Variants in MSH3 observed in about 807,000 individuals in gnomAD.
MSH3 encodes the protein mutS homolog 3, also known as DNA mismatch repair protein Msh3.
Under a neutral mutation model 123.3 loss-of-function variants are expected in MSH3, and 106 were observed. That is an observed-to-expected ratio of 0.86 (90% CI 0.73 to 1.01). MSH3 has a LOEUF of 1.01. Ranked by LOEUF, MSH3 falls within the 50% of genes least tolerant of loss-of-function variation. The pLI is 0.00. For synonymous variants in MSH3, 515 were observed against 481.4 expected (o/e 1.07, Z -0.91); for missense variants, 1,459 against 1,347.6 (o/e 1.08, Z -1.29).
intron 6 of MSH3, among the ~76,000 whole-genome samples, chr5:80,673,539 A>G (rs2112814902): frequency 6.6e-6 from 1 of 152,322 alleles, no homozygotes; most frequent in Non-Finnish European, 1.5e-5. Flanking sequence ...CAAACAAACA[A>G]ACAAACAAAC....
intron 12 of MSH3, chr5:80,746,842 C>T (rs746039920): frequency 6.0e-5 from 16 of 264,838 alleles, no homozygotes; most frequent in Non-Finnish European, 1.1e-4. Flanking sequence ...AAGGAGACCA[C>T]TGGCCAGAGG....
chr5:80,728,448 T>A (rs1743342890), intron 9 of MSH3, among the ~76,000 whole-genome samples: 1 of 152,224 alleles, frequency 6.6e-6, no homozygotes, highest in Non-Finnish European at 1.5e-5. Flanking sequence ...TACTACGCTG[T>A]TAATGTTTAT....
intron 12 of MSH3, among the ~76,000 whole-genome samples, chr5:80,747,160 G>A (rs1052739381): frequency 3.3e-5 from 5 of 152,210 alleles, no homozygotes; most frequent in African/African-American, 1.2e-4. Flanking sequence ...TGCTGGAAAG[G>A]CTGCCTAAAC....
chr5:80,716,178 CTCTAT>C (rs1427206100), intron 8 of MSH3, among the ~76,000 whole-genome samples: 1 of 152,156 alleles, frequency 6.6e-6, no homozygotes, highest in Non-Finnish European at 1.5e-5. Context: ...ATTATATAGA[CTCTAT>C]TTCAGAATTG....
rs148267788 is a variant in MSH3, at chr5:80,728,444, G to A, written c.1454-407G>A. 5.3e-5 allele frequency among the ~76,000 whole-genome samples: 8 copies of A among 152,148 alleles called. No individual in the cohort carries two copies. The East Asian group carries it at 1.4e-3, about 26-fold the overall frequency. On this transcript the variant is annotated intron_variant, in intron 9 of 23. Transcript: ENST00000265081. ...TTACCCAACTTTATTTAAGTACTAC[G>A]CTGTTAATGTTTATTTAGGTGGTCT...
intron 20 of MSH3, among the ~76,000 whole-genome samples, chr5:80,833,353 TA>T (rs1469043336): frequency 6.6e-6 from 1 of 152,246 alleles, no homozygotes; most frequent in Non-Finnish European, 1.5e-5. Context: ...TGGAATTCCC[TA>T]AATCTCTAAC....
chr5:80,842,962 A>T (rs781356595), intron 20 of MSH3, among the ~76,000 whole-genome samples: 1 of 152,156 alleles, frequency 6.6e-6, no homozygotes, highest in Non-Finnish European at 1.5e-5. Flanking sequence ...GGGGTGAGAG[A>T]GAGCATCCTT....
At position 80,775,703 on chromosome 5, in the gene MSH3, G is replaced by C. The variant is rs1237452188; in HGVS notation, c.2263G>C (p.Glu755Gln). ...VTVSGQEFMI[E>Q]IKNSAVSCIP... is the part of the protein sequence containing the mutation. ...TTTGTATTTGTTTTAGTTTATGATA[G>C]AAATAAAGAACTCTGCTGTATCTTG... The change falls in exon 16 of 24, where the codon GAA becomes CAA. Residue 755 changes from glutamate (E) to glutamine (Q), a missense_variant. Physicochemically the swap from Glu to Gln is conservative, Grantham distance 29. Coordinates refer to ENST00000265081, the MANE Select transcript of MSH3 (RefSeq NM_002439.5). 3 of 1,546,266 alleles carry C rather than the reference G, an allele frequency of 1.9e-6. No homozygotes were observed. Among genetic ancestry groups the C allele is most frequent in the Non-Finnish European group, 2.7e-6 (3 of 1,118,872 alleles).
At chr5:80,671,116 C>G (rs906484300) in intron 4 of MSH3, among the ~76,000 whole-genome samples, 5 of 90,564 alleles carry the variant, frequency 5.5e-5, no homozygotes, top group African/African-American at 2.9e-4. Flanking sequence ...CAGCAAGACT[C>G]TGTCTCAAAA....
intron 2 of MSH3, among the ~76,000 whole-genome samples, chr5:80,657,781 C>T (rs921286209): frequency 6.6e-6 from 1 of 151,970 alleles, no homozygotes; most frequent in Non-Finnish European, 1.5e-5. Context: ...GAAATAACTA[C>T]AGGAATGGAG....
intron 17 of MSH3, among the ~76,000 whole-genome samples, chr5:80,784,748 C>G (rs191534621): frequency 1.3e-5 from 2 of 151,994 alleles, no homozygotes; most frequent in Non-Finnish European, 2.9e-5. Context: ...GGGGCCTGTC[C>G]GTTTTGTGTT....
At chr5:80,811,403 C>T (rs1472874517) in intron 19 of MSH3, among the ~76,000 whole-genome samples, 3 of 152,030 alleles carry the variant, frequency 2.0e-5, no homozygotes, top group African/African-American at 7.2e-5. Context: ...GATTATTAAA[C>T]CAACTTTGTA....
intron 8 of MSH3, among the ~76,000 whole-genome samples, chr5:80,706,865 A>G (rs1047221013): frequency 4.6e-5 from 7 of 152,204 alleles, no homozygotes; most frequent in East Asian, 1.9e-4. Context: ...TTTTTAATCA[A>G]TTTTAATCAG....
At chr5:80,678,872 C>A (rs1316496255) in intron 7 of MSH3, 55 bp from the exon 8 acceptor site, 3 of 1,584,398 alleles carry the variant, frequency 1.9e-6, no homozygotes, top group Admixed American at 3.3e-5. Context: ...TGTGTTATAG[C>A]CATAACTGGG....
At position 80,707,155 on chromosome 5, in the gene MSH3, C is replaced by T. The variant is rs886826633; in HGVS notation, c.1341-18298C>T. ...AGTGCATACTTTTTTGTGTCCAGCTCGTTTTACTCAGCATAATGCCTATGC... is the reference window on the plus strand; with the variant it reads ...AGTGCATACTTTTTTGTGTCCAGCTTGTTTTACTCAGCATAATGCCTATGC... On this transcript the variant is annotated intron_variant, in intron 8 of 23. Coordinates refer to ENST00000265081, the MANE Select transcript of MSH3 (RefSeq NM_002439.5). Among the ~76,000 whole-genome samples, 6 of 152,196 alleles carry T rather than the reference C, an allele frequency of 3.9e-5. No homozygotes were observed. In the South Asian group the frequency reaches 6.2e-4, roughly 16 times the overall value.
rs1338767170 is a variant in MSH3 at position 80,792,607 on chromosome 5, A to G, written c.2544-126A>G. ...TTTATTCTGGACATATGTTCTTAAAATCTATGTTTAAAGTTTTGTTTTCTG... is the reference window on the plus strand; with the variant it reads ...TTTATTCTGGACATATGTTCTTAAAGTCTATGTTTAAAGTTTTGTTTTCTG... On this transcript the variant is annotated intron_variant, in intron 18 of 23. Coordinates refer to ENST00000265081, the MANE Select transcript of MSH3 (RefSeq NM_002439.5). The G allele has an allele frequency of 4.5e-6, 3 of 664,152 alleles. No homozygotes were observed. In the East Asian group the frequency reaches 8.3e-5, roughly 18 times the overall value. 41.1% of individuals were successfully genotyped at this position (664,152 alleles called of 1,614,324 possible).
At chr5:80,831,192 G>C (rs191538749) in intron 20 of MSH3, among the ~76,000 whole-genome samples, 1 of 152,134 alleles carries the variant, frequency 6.6e-6, no homozygotes, top group Admixed American at 6.6e-5. Context: ...CTAGAAGAAG[G>C]CTAGTTATTT....
At chr5:80,820,444 A>G (rs939958821) in intron 20 of MSH3, among the ~76,000 whole-genome samples, 6 of 152,184 alleles carry the variant, frequency 3.9e-5, no homozygotes, top group African/African-American at 1.4e-4. Flanking sequence ...GTTTGATTAT[A>G]TTATTCTTGG....
chr5:80,862,865 C>T (rs1366174530), intron 21 of MSH3, among the ~76,000 whole-genome samples: 7 of 152,096 alleles, frequency 4.6e-5, no homozygotes, highest in Non-Finnish European at 8.8e-5. Flanking sequence ...AGAATACCAA[C>T]GAATAAATGT....
Sources: allele counts gnomAD v4.1 joint callset (sites outside exome capture counted in the v4.1 genomes callset), GRCh38; gene constraint gnomAD v4.1.1; transcripts MANE v1.5; gene names NCBI Gene and HGNC (gene_info 2026-07-23, HGNC 2026-07-21).